The following CNTN4 variants were observed in gnomAD, a reference collection of about 807,000 sequenced individuals.
CNTN4 encodes contactin-4.
In CNTN4, 77 loss-of-function variants were observed where a neutral mutation model predicts 122.5. The ratio of observed to expected loss-of-function variants is 0.63; its 90% CI spans 0.52 to 0.76. CNTN4 has a LOEUF of 0.76. Ranked by LOEUF, CNTN4 falls within the 30% of genes least tolerant of loss-of-function variation. CNTN4 has a pLI of 0.00. For synonymous variants in CNTN4, 512 were observed against 447.0 expected (o/e 1.15, Z -1.83); for missense variants, 1,256 against 1,259.1 (o/e 1.00, Z 0.04).
chr3:2,341,471 T>C (rs963296881), intron 3 of CNTN4, among the ~76,000 whole-genome samples: 1 of 152,222 alleles, frequency 6.6e-6, no homozygotes, highest in Admixed American at 6.5e-5. Flanking sequence ...GAATGAAAGA[T>C]TTAATGACAT....
rs536301692 is a variant in CNTN4, at chr3:2,533,402, C to T, written c.-88-38014C>T. 2.7e-3 allele frequency among the ~76,000 whole-genome samples: 413 copies of T among 152,014 alleles called. 1 individual carries two copies. Among genetic ancestry groups the T allele is most frequent in the Non-Finnish European group, 3.5e-3 (238 of 67,964 alleles). ...TGCAGTGTTTGATTTTTTGTCCTTGCGATAGTTTGCTGAGAATGATGGTTT... is the reference window on the plus strand; with the variant it reads ...TGCAGTGTTTGATTTTTTGTCCTTGTGATAGTTTGCTGAGAATGATGGTTT... On this transcript the variant is annotated intron_variant, in intron 3 of 24. Transcript: ENST00000418658.
intron 10 of CNTN4, among the ~76,000 whole-genome samples, chr3:2,895,836 C>T (rs920997135): frequency 9.2e-5 from 14 of 152,148 alleles, no homozygotes; most frequent in Non-Finnish European, 1.3e-4. Flanking sequence ...AGATCGAGAC[C>T]ATCCTGGCTA....
chr3:2,437,716 T>C (rs753715060), intron 3 of CNTN4, among the ~76,000 whole-genome samples: 3 of 152,186 alleles, frequency 2.0e-5, no homozygotes, highest in Admixed American at 2.0e-4. Flanking sequence ...ATGATTATGA[T>C]TCAGGTGGCT....
intron 13 of CNTN4, among the ~76,000 whole-genome samples, chr3:2,985,815 G>A (rs115822627): frequency 0.011 from 1,622 of 152,096 alleles, 27 homozygotes; most frequent in African/African-American, 0.037. Context: ...ACAAACAGAA[G>A]GCAGAAGGCT....
rs186871091 is a variant in CNTN4 at position 2,970,127 on chromosome 3, T to C, written c.1359-18218T>C. 2.2e-4 allele frequency among the ~76,000 whole-genome samples: 34 copies of C among 152,338 alleles called. No individual in the cohort carries two copies. The East Asian group carries it at 6.0e-3, about 27-fold the overall frequency. On this transcript the variant is annotated intron_variant, in intron 13 of 24. Transcript: ENST00000418658. ...TGTTTTAAGAGAGACAGTCTTGCTC[T>C]GTCGCCCAGGCTGGAGTGCAGCAGC...
At chr3:2,140,933 C>A (rs976780346) in intron 2 of CNTN4, among the ~76,000 whole-genome samples, 2 of 152,176 alleles carry the variant, frequency 1.3e-5, no homozygotes, top group African/African-American at 2.4e-5. Context: ...GTTCCAGCTT[C>A]TTTTCTTTAA....
At chr3:2,751,101 A>C (rs771351043) in intron 6 of CNTN4, among the ~76,000 whole-genome samples, 24 of 151,692 alleles carry the variant, frequency 1.6e-4, no homozygotes, top group Non-Finnish European at 2.9e-4. Context: ...GGAGATTGAG[A>C]CCATCCTGGC....
chr3:2,487,404 C>T (rs949651152), intron 3 of CNTN4, among the ~76,000 whole-genome samples: 3 of 152,154 alleles, frequency 2.0e-5, no homozygotes, highest in Non-Finnish European at 2.9e-5. Context: ...ACTTCCCTTC[C>T]CTCCCTTTCT....
intron 13 of CNTN4, among the ~76,000 whole-genome samples, chr3:2,926,769 G>C (rs1350788270): frequency 1.0e-5 from 1 of 100,228 alleles, no homozygotes; most frequent in Non-Finnish European, 2.2e-5. Context: ...TTTATAAATG[G>C]TGTATTCATA....
At chr3:2,463,138 C>T (rs1371081982) in intron 3 of CNTN4, among the ~76,000 whole-genome samples, 1 of 150,930 alleles carries the variant, frequency 6.6e-6, no homozygotes, top group Non-Finnish European at 1.5e-5. Context: ...TGTCCAAATA[C>T]AAATGTGAAA....
intron 3 of CNTN4, among the ~76,000 whole-genome samples, chr3:2,548,784 G>A (rs979313984): frequency 1.3e-5 from 2 of 152,084 alleles, no homozygotes; most frequent in Non-Finnish European, 2.9e-5. Flanking sequence ...CCATTTTCAT[G>A]ATATTGATTC....
chr3:2,525,859 C>T (rs970082572), intron 3 of CNTN4, among the ~76,000 whole-genome samples: 26 of 152,078 alleles, frequency 1.7e-4, no homozygotes, highest in Admixed American at 1.3e-4. Flanking sequence ...TTTATATATA[C>T]ATATGTGCTA....
chr3:2,311,770 A>G (rs2042924368), intron 2 of CNTN4, among the ~76,000 whole-genome samples: 1 of 152,174 alleles, frequency 6.6e-6, no homozygotes, highest in Admixed American at 6.6e-5. Flanking sequence ...CTGTATGATT[A>G]GATCATTATT....
rs112416255 is a variant in CNTN4 at position 2,561,060 on chromosome 3, A to C, written c.-88-10356A>C. 6.3e-3 allele frequency among the ~76,000 whole-genome samples: 954 copies of C among 152,286 alleles called. 12 individuals are homozygous for C. The highest frequency in any genetic ancestry group is 0.021 in the African/African-American group (855 of 41,556). On this transcript the variant is annotated intron_variant, in intron 3 of 24. Transcript: ENST00000418658. Reference sequence around the variant, plus strand: ...GTGCGTAATGATGGACATACTAGTAAGCTTACTTCCCCACTAAGTGTATCC... The same window carrying C: ...GTGCGTAATGATGGACATACTAGTACGCTTACTTCCCCACTAAGTGTATCC...
intron 4 of CNTN4, among the ~76,000 whole-genome samples, chr3:2,681,079 A>G (rs1005556600): frequency 2.7e-4 from 41 of 152,244 alleles, no homozygotes; most frequent in Admixed American, 6.5e-5. Context: ...TTAGACTCTA[A>G]TGGGGGTTGT....
At chr3:2,760,796 A>G (rs1261608880) in intron 6 of CNTN4, among the ~76,000 whole-genome samples, 3 of 152,160 alleles carry the variant, frequency 2.0e-5, no homozygotes, top group Admixed American at 6.5e-5. Flanking sequence ...AGCCCTGACA[A>G]TCTAATCCAC....
intron 4 of CNTN4, among the ~76,000 whole-genome samples, chr3:2,623,228 C>G (rs1183433516): frequency 1.8e-5 from 2 of 114,034 alleles, no homozygotes; most frequent in Non-Finnish European, 3.5e-5. Flanking sequence ...TTTATGGAGA[C>G]TAATTTTTTT....
rs35668647 is a variant in CNTN4, at chr3:2,626,496, C to CAAAAAAAAAAAAAAAAAAA, written c.55+54948_55+54949insAAAAAAAAAAAAAAAAAAA. Among the ~76,000 whole-genome samples the CAAAAAAAAAAAAAAAAAAA allele has an allele frequency of 2.8e-5, 4 of 143,966 alleles. No homozygotes were observed. In the Admixed American group the frequency reaches 2.9e-4, roughly 10 times the overall value. The allele number at this position is 143,966 out of a possible 152,430, so 94.4% of individuals were successfully genotyped here. A position where few individuals can be genotyped will look rare whatever the true frequency, so the allele number is the denominator to read the frequency against. On this transcript the variant is annotated intron_variant, in intron 4 of 24. Transcript: ENST00000418658. The stretch of plus-strand genomic sequence containing the variant: ...TGGGCGACAGAGCAAGACTCTATCT[C>CAAAAAAAAAAAAAAAAAAA]AAAAAAAAAACAACAAAAAACAAAC...
At chr3:2,999,295 A>T (rs1005185313) in intron 14 of CNTN4, among the ~76,000 whole-genome samples, 1 of 152,224 alleles carries the variant, frequency 6.6e-6, no homozygotes, top group Non-Finnish European at 1.5e-5. Flanking sequence ...TCAGCAAAAC[A>T]AAACAAAAAG....
Sources: gnomAD v4.1 joint callset for allele counts (sites outside exome capture counted in the v4.1 genomes callset) on GRCh38, gnomAD v4.1.1 for gene constraint, MANE v1.5 for transcripts, NCBI Gene and HGNC (gene_info 2026-07-23, HGNC 2026-07-21) for gene names.